Variants in LRRC4C observed in about 807,000 individuals in gnomAD.
The protein encoded by LRRC4C is leucine-rich repeat-containing protein 4C.
In LRRC4C, 5 loss-of-function variants were observed where a neutral mutation model predicts 33.6. The ratio of observed to expected loss-of-function variants is 0.15; its 90% CI spans 0.08 to 0.31. The LOEUF (loss-of-function observed/expected upper bound fraction) is 0.31, where lower values mean the gene tolerates loss of function less well. LRRC4C is among the 10% of genes least tolerant of loss of function. The probability of loss-of-function intolerance (pLI) is 1.00; values close to 1 mark genes in which losing one functional copy is unlikely to be tolerated. For synonymous variants in LRRC4C, 329 were observed against 302.0 expected, an observed-to-expected ratio of 1.09 and a Z score of -0.93; for missense variants, 560 against 796.7, an observed-to-expected ratio of 0.70 and a Z score of 3.58.
chr11:41,169,061 G>A (rs917139547), intron 1 of LRRC4C, among the ~76,000 whole-genome samples: 2 of 152,126 alleles, frequency 1.3e-5, no homozygotes, highest in African/African-American at 2.4e-5. Flanking sequence ...AGCATTACAC[G>A]AAGTATTTTT....
At chr11:40,527,794 G>A (rs1956115479) in intron 3 of LRRC4C, among the ~76,000 whole-genome samples, 1 of 151,918 alleles carries the variant, frequency 6.6e-6, no homozygotes, top group South Asian at 2.1e-4. Context: ...TGTTACCCAG[G>A]CTGGAGTGCA....
chr11:40,678,573 G>A (rs998851434), intron 2 of LRRC4C, among the ~76,000 whole-genome samples: 4 of 152,070 alleles, frequency 2.6e-5, no homozygotes, highest in African/African-American at 4.8e-5. Flanking sequence ...GGGACCCAGT[G>A]GGAGTTAATT....
At chr11:41,414,964 C>T (rs1954623411) in intron 1 of LRRC4C, among the ~76,000 whole-genome samples, 1 of 152,106 alleles carries the variant, frequency 6.6e-6, no homozygotes, top group South Asian at 2.1e-4. Flanking sequence ...TAATATAGCA[C>T]CTTTCCTCTT....
chr11:40,326,528 T>TC (rs2047832317), intron 3 of LRRC4C, among the ~76,000 whole-genome samples: 1 of 145,382 alleles, frequency 6.9e-6, no homozygotes, highest in South Asian at 2.2e-4. Flanking sequence ...GCCACTGCAC[T>TC]CCAGGCAAGA....
chr11:40,459,432 A>C (rs889043509), intron 3 of LRRC4C, among the ~76,000 whole-genome samples: 6 of 152,090 alleles, frequency 3.9e-5, no homozygotes, highest in African/African-American at 1.4e-4. Flanking sequence ...AGAGGGGAAA[A>C]ATGACAAAAG....
intron 3 of LRRC4C, among the ~76,000 whole-genome samples, chr11:40,588,908 A>G (rs1251343614): frequency 1.3e-5 from 2 of 152,056 alleles, no homozygotes; most frequent in East Asian, 1.9e-4. Flanking sequence ...TATGTGGTCA[A>G]TTTTGGAATA....
At chr11:41,385,488 G>T (rs1953325784) in intron 1 of LRRC4C, among the ~76,000 whole-genome samples, 1 of 151,228 alleles carries the variant, frequency 6.6e-6, no homozygotes, top group Non-Finnish European at 1.5e-5. Flanking sequence ...AAAAATTTTT[G>T]ATATAAAAAA....
At chr11:41,261,207 C>T (rs1333017818) in intron 1 of LRRC4C, among the ~76,000 whole-genome samples, 2 of 152,062 alleles carry the variant, frequency 1.3e-5, no homozygotes, top group African/African-American at 4.8e-5. Flanking sequence ...ACACTGCATT[C>T]ACCTTTTCCA....
intron 2 of LRRC4C, among the ~76,000 whole-genome samples, chr11:40,657,188 C>G (rs1229341965): frequency 6.6e-6 from 1 of 152,162 alleles, no homozygotes; most frequent in African/African-American, 2.4e-5. Context: ...GACTACACAG[C>G]TATTCACTTG....
chr11:40,269,784 C>G lies in LRRC4C; in HGVS notation c.-175-28186G>C, dbSNP rs577546694. On this transcript the variant is annotated intron_variant, in intron 4 of 6. Transcript: ENST00000528697. ...CTATCCCTTTCCAAGAGTAAAAATC[C>G]CTTAATAGCACATTGGTAACTCAAA... 9.2e-5 allele frequency among the ~76,000 whole-genome samples: 13 copies of G among 141,304 alleles called. 1 individual carries two copies. The East Asian group carries it at 2.8e-3, about 31-fold the overall frequency. The allele number at this position is 141,304 out of a possible 152,430, so 92.7% of individuals were successfully genotyped here.
At chr11:40,918,153 G>T (rs1957037934) in intron 2 of LRRC4C, among the ~76,000 whole-genome samples, 1 of 152,096 alleles carries the variant, frequency 6.6e-6, no homozygotes, top group African/African-American at 2.4e-5. Flanking sequence ...GAGCCTTTGT[G>T]TAAGGAGAAA....
At chr11:41,018,782 G>C (rs752590374) in intron 1 of LRRC4C, among the ~76,000 whole-genome samples, 1 of 152,122 alleles carries the variant, frequency 6.6e-6, no homozygotes, top group Non-Finnish European at 1.5e-5. Flanking sequence ...ACTCTGCGTG[G>C]TGGTGAATGC....
intron 3 of LRRC4C, among the ~76,000 whole-genome samples, chr11:40,645,714 G>C (rs557206993): frequency 2.0e-5 from 3 of 152,074 alleles, no homozygotes; most frequent in Non-Finnish European, 4.4e-5. Flanking sequence ...TAGTTTTCAG[G>C]CTGTAACACT....
At position 41,411,142 on chromosome 11, in the gene LRRC4C, A is replaced by ATTTTTTTTTTTTTTTTTTTTTTTTTTTTT. The variant is rs370574515; in HGVS notation, c.-496+48288_-496+48289insAAAAAAAAAAAAAAAAAAAAAAAAAAAAA. On this transcript the variant is annotated intron_variant, in intron 1 of 6. Coordinates refer to ENST00000528697, the MANE Select transcript of LRRC4C (RefSeq NM_001258419.2). The stretch of plus-strand genomic sequence containing the variant: ...ATGAGAAACACTTGGTTGGTACCCT[A>ATTTTTTTTTTTTTTTTTTTTTTTTTTTTT]TTTTTTTTTTTTTTTTTTTTTTTTG... Among the ~76,000 whole-genome samples the ATTTTTTTTTTTTTTTTTTTTTTTTTTTTT allele has an allele frequency of 3.9e-3, 223 of 57,176 alleles. 29 individuals carry two copies. Among genetic ancestry groups the ATTTTTTTTTTTTTTTTTTTTTTTTTTTTT allele is most frequent in the East Asian group, 0.015 (24 of 1,626 alleles). 37.5% of individuals were successfully genotyped at this position (57,176 alleles called of 152,430 possible). A position where few individuals can be genotyped will look rare whatever the true frequency, so the allele number is the denominator to read the frequency against.
chr11:40,608,167 A>G (rs934886788), intron 3 of LRRC4C, among the ~76,000 whole-genome samples: 3 of 152,218 alleles, frequency 2.0e-5, no homozygotes, highest in Non-Finnish European at 4.4e-5. Context: ...TAAAAAATAA[A>G]AGAATACACA....
chr11:40,811,475 A>G (rs1344931040), intron 2 of LRRC4C, among the ~76,000 whole-genome samples: 2 of 152,156 alleles, frequency 1.3e-5, no homozygotes, highest in Non-Finnish European at 2.9e-5. Flanking sequence ...ATCAATAAAT[A>G]TATTTGAATT....
chr11:40,492,626 C>T (rs989402513), intron 3 of LRRC4C, among the ~76,000 whole-genome samples: 5 of 152,186 alleles, frequency 3.3e-5, no homozygotes, highest in African/African-American at 9.6e-5. Context: ...CCCAGGCTGA[C>T]ATTATCTTTT....
intron 1 of LRRC4C, among the ~76,000 whole-genome samples, chr11:40,987,642 T>TATATATATATATG (rs138289949): frequency 1.7e-5 from 1 of 59,770 alleles, no homozygotes; most frequent in African/African-American, 6.5e-5. Context: ...TATATATATA[T>TATATATATATATG]ATATATATAT....
At chr11:41,125,211 C>A (rs1942677107) in intron 1 of LRRC4C, among the ~76,000 whole-genome samples, 1 of 152,004 alleles carries the variant, frequency 6.6e-6, no homozygotes, top group Admixed American at 6.6e-5. Context: ...ACCAGAAAGA[C>A]CAGATATATT....
Sources: gnomAD v4.1 joint callset for allele counts (sites outside exome capture counted in the v4.1 genomes callset) on GRCh38, gnomAD v4.1.1 for gene constraint, MANE v1.5 for transcripts, NCBI Gene and HGNC (gene_info 2026-07-23, HGNC 2026-07-21) for gene names.